Variants in BRINP3 observed in about 807,000 individuals in gnomAD.
BRINP3 encodes BMP/retinoic acid inducible neural specific 3, also known as BMP/retinoic acid-inducible neural-specific protein 3.
BRINP3 carries 19 observed loss-of-function variants against 71.0 expected under a neutral mutation model. The observed-to-expected ratio is 0.27, with a 90% CI of 0.19 to 0.39. The LOEUF is 0.39. Among genes scored for constraint, BRINP3 ranks in the 10% least tolerant of loss-of-function variants. The probability of loss-of-function intolerance (pLI) is 1.00; values close to 1 mark genes in which losing one functional copy is unlikely to be tolerated. For missense variants in BRINP3, 959 were observed against 940.8 expected, an observed-to-expected ratio of 1.02 and a Z score of -0.25; for synonymous variants, 380 against 337.7, an observed-to-expected ratio of 1.13 and a Z score of -1.37.
At chr1:190,123,072 G>A (rs1303822250) in intron 7 of BRINP3, among the ~76,000 whole-genome samples, 1 of 152,084 alleles carries the variant, frequency 6.6e-6, no homozygotes, top group Non-Finnish European at 1.5e-5. Flanking sequence ...TTCTCAAACT[G>A]AGAAGTCTCT....
At chr1:190,221,875 T>C (rs999190320) in intron 6 of BRINP3, among the ~76,000 whole-genome samples, 1 of 152,250 alleles carries the variant, frequency 6.6e-6, no homozygotes, top group East Asian at 1.9e-4. Context: ...CAATTATCAA[T>C]AGTTTTATGC....
chr1:190,118,694 A>C (rs1653357340), intron 7 of BRINP3, among the ~76,000 whole-genome samples: 1 of 152,202 alleles, frequency 6.6e-6, no homozygotes, highest in Non-Finnish European at 1.5e-5. Flanking sequence ...CCTTTCCACA[A>C]AACCAGCTTC....
Position 190,188,612 on chromosome 1 carries a change from A to ATT in BRINP3, c.962-27724_962-27723dup, listed in dbSNP as rs59538980. On this transcript the variant is annotated intron_variant, in intron 6 of 7. Transcript: ENST00000367462. Reference sequence around the variant, plus strand: ...ACCTTCTGCATCTATTGAAAACATCATTTTTTTTTCTTTTCTGTTCAGCTA... The same window carrying ATT: ...ACCTTCTGCATCTATTGAAAACATCATTTTTTTTTTTCTTTTCTGTTCAGCTA... Among the ~76,000 whole-genome samples the ATT allele has an allele frequency of 3.3e-5, 5 of 150,798 alleles. 1 individual carries two copies. In the South Asian group the frequency reaches 6.3e-4, roughly 19 times the overall value.
At chr1:190,234,254 T>C (rs1658300747) in intron 5 of BRINP3, 118 bp downstream of exon 5, 2 of 518,432 alleles carry the variant, frequency 3.9e-6, no homozygotes, top group Non-Finnish European at 3.3e-6. Context: ...TAGCCTTTAA[T>C]GAGAGTTTTT....
At chr1:190,363,804 T>C (rs1379399829) in intron 2 of BRINP3, among the ~76,000 whole-genome samples, 2 of 152,108 alleles carry the variant, frequency 1.3e-5, no homozygotes, top group African/African-American at 4.8e-5. Flanking sequence ...GTGGAGATTA[T>C]TTGCATGTGG....
At chr1:190,325,104 C>A (rs1184879724) in intron 2 of BRINP3, among the ~76,000 whole-genome samples, 2 of 151,790 alleles carry the variant, frequency 1.3e-5, no homozygotes, top group Non-Finnish European at 1.5e-5. Context: ...AAACAGCCAG[C>A]ATTGAAGGTT....
chr1:190,192,176 A>C (rs1654091430), intron 6 of BRINP3, among the ~76,000 whole-genome samples: 1 of 152,316 alleles, frequency 6.6e-6, no homozygotes, highest in South Asian at 2.1e-4. Context: ...CAAAGTAGAT[A>C]GCAAATAAGC....
At chr1:190,312,340 A>G (rs563963138) in intron 2 of BRINP3, among the ~76,000 whole-genome samples, 32 of 151,580 alleles carry the variant, frequency 2.1e-4, no homozygotes, top group African/African-American at 7.2e-4. Context: ...GAATGACACT[A>G]AAGCATCAAG....
intron 2 of BRINP3, among the ~76,000 whole-genome samples, chr1:190,339,934 C>G (rs1469253328): frequency 6.6e-6 from 1 of 151,934 alleles, no homozygotes; most frequent in African/African-American, 2.4e-5. Flanking sequence ...ATATTTTCAA[C>G]TAGGCTTCTA....
At chr1:190,114,768 T>C (rs1249158107) in intron 7 of BRINP3, among the ~76,000 whole-genome samples, 2 of 152,156 alleles carry the variant, frequency 1.3e-5, no homozygotes, top group Non-Finnish European at 2.9e-5. Flanking sequence ...TCCCACTTTC[T>C]CACTCCACTA....
chr1:190,206,867 T>G (rs956646866), intron 6 of BRINP3, among the ~76,000 whole-genome samples: 3 of 151,860 alleles, frequency 2.0e-5, no homozygotes, highest in African/African-American at 7.2e-5. Context: ...AAAGAAGATA[T>G]GATAGTTGTA....
At chr1:190,405,043 T>A (rs1002325052) in intron 2 of BRINP3, among the ~76,000 whole-genome samples, 2 of 152,206 alleles carry the variant, frequency 1.3e-5, no homozygotes, top group African/African-American at 4.8e-5. Flanking sequence ...GACTGTTCTT[T>A]AATTTATGGA....
chr1:190,353,379 G>T (rs1322714765), intron 2 of BRINP3, among the ~76,000 whole-genome samples: 1 of 152,002 alleles, frequency 6.6e-6, no homozygotes, highest in East Asian at 1.9e-4. Flanking sequence ...CTAAGTAAAA[G>T]TATGGTTTTT....
At chr1:190,179,633 C>G (rs1652853160) in intron 6 of BRINP3, among the ~76,000 whole-genome samples, 1 of 152,068 alleles carries the variant, frequency 6.6e-6, no homozygotes, top group African/African-American at 2.4e-5. Flanking sequence ...TTTCAGCAGT[C>G]TAATTAAAAT....
chr1:190,459,146 A>C (rs10158838), intron 1 of BRINP3, among the ~76,000 whole-genome samples: 1 of 151,494 alleles, frequency 6.6e-6, no homozygotes, highest in Non-Finnish European at 1.5e-5. Flanking sequence ...AAAAAAAAAA[A>C]AAAATAACTG....
intron 2 of BRINP3, among the ~76,000 whole-genome samples, chr1:190,426,090 T>A (rs1200549251): frequency 6.6e-6 from 1 of 151,812 alleles, no homozygotes; most frequent in Non-Finnish European, 1.5e-5. Flanking sequence ...TATAATAAAA[T>A]CTGAGGATTG....
intron 1 of BRINP3, among the ~76,000 whole-genome samples, chr1:190,468,170 AAT>A (rs894520570): frequency 2.6e-5 from 4 of 151,378 alleles, no homozygotes; most frequent in African/African-American, 7.3e-5. Flanking sequence ...GACTGATGCA[AAT>A]ATATATCTAA....
At chr1:190,111,200 A>C (rs1652656269) in intron 7 of BRINP3, among the ~76,000 whole-genome samples, 1 of 145,818 alleles carries the variant, frequency 6.9e-6, no homozygotes, top group Admixed American at 6.7e-5. Flanking sequence ...AAAAAAAAAA[A>C]AAAAAAAACT....
In BRINP3 at chr1:190,226,159, T is replaced by C. The variant is rs780653017; in HGVS notation, c.884A>G (p.Asp295Gly). 3 of 1,612,518 alleles carry C rather than the reference T, an allele frequency of 1.9e-6. No homozygotes were observed. Among genetic ancestry groups the C allele is most frequent in the Non-Finnish European group, 8.5e-7 (1 of 1,179,018 alleles). Reference protein sequence around the residue: ...KFPECNCPSMDIQAMEENLLR... With the variant: ...KFPECNCPSMGIQAMEENLLR... ...AAGATTCTCTTCCATGGCTTGAATG[T>C]CCATGGAGGGGCAGTTGCATTCTGG... Residue 295 changes from aspartate to glycine, a missense_variant, in exon 6 of 8, where the codon GAC (aspartate) becomes GGC (glycine). Physicochemically the swap from Asp to Gly is moderately conservative, Grantham distance 94. Coordinates refer to ENST00000367462, the MANE Select transcript of BRINP3 (RefSeq NM_199051.3).
Sources: gnomAD v4.1 joint callset for allele counts (sites outside exome capture counted in the v4.1 genomes callset) on GRCh38, gnomAD v4.1.1 for gene constraint, MANE v1.5 for transcripts, NCBI Gene and HGNC (gene_info 2026-07-23, HGNC 2026-07-21) for gene names.